The following SPTBN4 variants were observed in gnomAD, a reference collection of about 807,000 sequenced individuals.
The protein encoded by SPTBN4 is spectrin beta chain, non-erythrocytic 4.
SPTBN4 carries 96 observed loss-of-function variants against 277.8 expected under a neutral mutation model. The observed-to-expected ratio is 0.35, with a 90% confidence interval of 0.29 to 0.41. SPTBN4 has a LOEUF of 0.41. Among genes scored for constraint, SPTBN4 ranks in the 10% least tolerant of loss-of-function variants. SPTBN4 has a pLI of 1.00. For synonymous variants in SPTBN4, 1,481 were observed against 1,580.3 expected (o/e 0.94, Z 1.49); for missense variants, 3,006 against 3,595.7 (o/e 0.84, Z 4.19).
Position 40,502,289 on chromosome 19 carries a change from C to T in SPTBN4, c.1059C>T (p.Ala353=), listed in dbSNP as rs1320226792. ...GVQQQLQAFT[A]YCTLEKPVKF... Reference sequence around the variant, plus strand: ...AGCAGCAACTCCAGGCTTTCACGGCCTATTGCACGCTGGAGAAGCCTGTCA... The same window carrying T: ...AGCAGCAACTCCAGGCTTTCACGGCTTATTGCACGCTGGAGAAGCCTGTCA... Residue 353 remains alanine, a synonymous_variant, in exon 9 of 36, where the codon GCC becomes GCT. Transcript: ENST00000598249. This position sits in a 1 kb window ranked among gnomAD's most constrained non-coding sequence, Gnocchi z 4.9. 6.2e-7 allele frequency: 1 copy of T among 1,611,712 alleles called. No individual in the cohort carries two copies. The highest frequency in any genetic ancestry group is 1.7e-5 in the Admixed American group (1 of 59,938).
intron 7 of SPTBN4, among the ~76,000 whole-genome samples, chr19:40,501,358 T>C (rs2080261329): frequency 6.6e-6 from 1 of 151,370 alleles, no homozygotes; most frequent in Non-Finnish European, 1.5e-5. Flanking sequence ...AGGTGGAAGG[T>C]AGAAAGGTGT....
At chr19:40,491,712 T>TAAAAAA in intron 4 of SPTBN4, among the ~76,000 whole-genome samples, 1 of 29,984 alleles carries the variant, frequency 3.3e-5, no homozygotes, top group African/African-American at 4.7e-4. Flanking sequence ...AGACTCTGTC[T>TAAAAAA]CAAAAAAAAA....
intron 35 of SPTBN4, among the ~76,000 whole-genome samples, chr19:40,573,334 T>A (rs1359332381): frequency 6.6e-6 from 1 of 151,872 alleles, no homozygotes; most frequent in Non-Finnish European, 1.5e-5. Context: ...GGGTGGGTGA[T>A]CTAGGTAGAG....
chr19:40,479,675 C>CATATATATATATATATATAT (rs34118043), intron 2 of SPTBN4, among the ~76,000 whole-genome samples: 171 of 126,634 alleles, frequency 1.4e-3, no homozygotes, highest in African/African-American at 2.5e-3. Context: ...AATGAGTAAG[C>CATATATATATATATATATAT]ATATATATAT....
chr19:40,547,391 G>T (rs1184646425), intron 20 of SPTBN4, among the ~76,000 whole-genome samples: 3 of 152,040 alleles, frequency 2.0e-5, no homozygotes, highest in Admixed American at 6.6e-5. Flanking sequence ...AGTATTCCAT[G>T]GTGTATATGT....
Position 40,513,201 on chromosome 19 carries a change from C to G in SPTBN4, c.2412C>G (p.Asp804Glu). 6.6e-6 allele frequency: 10 copies of G among 1,505,228 alleles called. No homozygotes were observed. Among genetic ancestry groups the G allele is most frequent in the Non-Finnish European group, 8.8e-6 (10 of 1,135,274 alleles). The allele number at this position is 1,505,228 out of a possible 1,614,324, so 93.2% of individuals were successfully genotyped here. The part of the protein sequence containing the change: ...RLAAAGDFGH[D>E]EASSRRLARQ... ...CAGCCGCCGGTGACTTCGGCCACGA[C>G]GAAGCTTCCAGCCGCCGCCTGGCGC... is the stretch of plus-strand genomic sequence containing the variant. Residue 804 changes from aspartate (D) to glutamate (E), a missense_variant, in exon 14 of 36, where the codon GAC becomes GAG. Coordinates refer to ENST00000598249, the MANE Select transcript of SPTBN4 (RefSeq NM_020971.3).
In SPTBN4 at chr19:40,494,893, C is replaced by G. The variant is rs374892208; in HGVS notation, c.588-4C>G. Reference sequence around the variant, plus strand: ...TGCCTCTGTTTCTCCCTTCACCCTTCCAGTTACCCTGAGGTAAACATCCAG... The same window carrying G: ...TGCCTCTGTTTCTCCCTTCACCCTTGCAGTTACCCTGAGGTAAACATCCAG... On this transcript the variant is annotated splice_polypyrimidine_tract_variant and splice_region_variant and intron_variant, in intron 5 of 35. Transcript: ENST00000598249. 1.9e-6 allele frequency: 3 copies of G among 1,613,940 alleles called. No individual in the cohort carries two copies. The highest frequency in any genetic ancestry group is 4.5e-5 in the East Asian group (2 of 44,890).
intron 33 of SPTBN4, chr19:40,571,092 AAGTG>A (rs2074257043): frequency 9.4e-6 from 2 of 211,754 alleles, no homozygotes; most frequent in African/African-American, 4.7e-5. Context: ...AATGTTCTGA[AAGTG>A]AGTAAATTGG....
At chr19:40,525,294 C>G (rs555307062) in intron 17 of SPTBN4, among the ~76,000 whole-genome samples, 11 of 151,558 alleles carry the variant, frequency 7.3e-5, no homozygotes, top group Admixed American at 5.3e-4. Flanking sequence ...CTTTTCCATC[C>G]AGGCCTGGAT....
At chr19:40,559,589 A>G (rs1290395468) in intron 26 of SPTBN4, among the ~76,000 whole-genome samples, 2 of 152,362 alleles carry the variant, frequency 1.3e-5, no homozygotes, top group Non-Finnish European at 2.9e-5. Context: ...TCAAGGCTGC[A>G]GTGAATTGTG....
At chr19:40,471,080 C>T (rs2079879466) in intron 1 of SPTBN4, among the ~76,000 whole-genome samples, 1 of 151,258 alleles carries the variant, frequency 6.6e-6, no homozygotes, top group African/African-American at 2.4e-5. Flanking sequence ...CTCCTGAATA[C>T]CTGGGATTAC....
chr19:40,478,132 GC>G (rs1409677099), intron 2 of SPTBN4, among the ~76,000 whole-genome samples: 1 of 152,100 alleles, frequency 6.6e-6, no homozygotes, highest in African/African-American at 2.4e-5. Flanking sequence ...AAGCCACTGA[GC>G]CTGGCAGAAG....
At chr19:40,573,239 G>A (rs755566252) in intron 35 of SPTBN4, among the ~76,000 whole-genome samples, 4 of 152,196 alleles carry the variant, frequency 2.6e-5, no homozygotes, top group African/African-American at 7.2e-5. Context: ...CTGAACCAGG[G>A]AGGTCAAGGC....
chr19:40,487,941 G>A (rs958966914), intron 3 of SPTBN4, 93 bp downstream of exon 3: 3 of 1,400,870 alleles, frequency 2.1e-6, no homozygotes, highest in Non-Finnish European at 1.9e-6. Flanking sequence ...GCAAGCAGGG[G>A]CCTGGCTCAT....
rs1055113527 is a variant in SPTBN4, at chr19:40,472,732, G to A, written c.111G>A (p.Pro37=). Residue 37 remains proline, a synonymous_variant, in exon 2 of 36, where the codon CCG becomes CCA. Coordinates refer to ENST00000598249, the MANE Select transcript of SPTBN4 (RefSeq NM_020971.3). Reference sequence around the variant, plus strand: ...ATCGGGGCTGGGAGCGGGAGCAGCCGGCTGCGTCCACCGCAGCGGCCTCGC... The same window carrying A: ...ATCGGGGCTGGGAGCGGGAGCAGCCAGCTGCGTCCACCGCAGCGGCCTCGC... ...SPDRGWEREQ[P]AASTAAASLF... 2.4e-5 allele frequency: 38 copies of A among 1,608,798 alleles called. No individual in the cohort carries two copies. Among genetic ancestry groups the A allele is most frequent in the Non-Finnish European group, 3.0e-5 (35 of 1,177,632 alleles).
intron 1 of SPTBN4, among the ~76,000 whole-genome samples, chr19:40,467,633 G>C (rs897717476): frequency 6.6e-6 from 1 of 151,922 alleles, no homozygotes; most frequent in Non-Finnish European, 1.5e-5. Context: ...CGGGGGGGGG[G>C]GGGTGTTGGG....
At chr19:40,507,207 G>A (rs1568788185) in intron 13 of SPTBN4, among the ~76,000 whole-genome samples, 1 of 151,782 alleles carries the variant, frequency 6.6e-6, no homozygotes, top group Non-Finnish European at 1.5e-5. Flanking sequence ...CCCAGCCACT[G>A]CAGAGGCTGA....
intron 12 of SPTBN4, among the ~76,000 whole-genome samples, chr19:40,505,179 G>GTTTGA (rs1399084579): frequency 7.3e-6 from 1 of 137,468 alleles, no homozygotes; most frequent in Non-Finnish European, 1.5e-5. Flanking sequence ...GAGCCCCAGA[G>GTTTGA]TTTGAGACCA....
Position 40,504,137 on chromosome 19 carries a change from CGG to C in SPTBN4, c.1665+6_1665+7del. The C allele has an allele frequency of 6.8e-6, 4 of 585,356 alleles. No individual in the cohort carries two copies. Among genetic ancestry groups the C allele is most frequent in the Non-Finnish European group, 7.1e-6 (3 of 422,676 alleles). 36.3% of individuals were successfully genotyped at this position (585,356 alleles called of 1,614,324 possible). On this transcript the variant is annotated splice_donor_region_variant and intron_variant, in intron 12 of 35. Transcript: ENST00000598249. ...GACTGGATGGAGGAGATGCAGGTGC[CGG>C]CGGGGGGGCGGGGATGCGGGTGGAG... is the stretch of plus-strand genomic sequence containing the variant.
Sources: gnomAD v4.1 joint callset for allele counts (sites outside exome capture counted in the v4.1 genomes callset) on GRCh38, gnomAD v4.1.1 for gene constraint, Gnocchi (gnomAD v3.1) non-coding constraint, MANE v1.5 for transcripts, NCBI Gene and HGNC (gene_info 2026-07-23, HGNC 2026-07-21) for gene names.